The following PIGK variants were observed in gnomAD, a reference collection of about 807,000 sequenced individuals.
PIGK encodes phosphatidylinositol glycan anchor biosynthesis class K.
PIGK carries 42 observed loss-of-function variants against 50.6 expected under a neutral mutation model. The observed-to-expected ratio is 0.83, with a 90% CI of 0.65 to 1.07. The LOEUF (loss-of-function observed/expected upper bound fraction) is 1.07. Ranked by LOEUF, PIGK falls within the 50% of genes least tolerant of loss-of-function variation. The pLI is 0.00. For missense variants in PIGK, 448 were observed against 488.7 expected, an observed-to-expected ratio of 0.92 and a Z score of 0.78; for synonymous variants, 151 against 156.0, an observed-to-expected ratio of 0.97 and a Z score of 0.24.
chr1:77,151,741 G>A (rs891037647), intron 9 of PIGK, among the ~76,000 whole-genome samples: 7 of 151,934 alleles, frequency 4.6e-5, no homozygotes, highest in Non-Finnish European at 1.0e-4. Flanking sequence ...AATCTCACTT[G>A]CAATACCTAC....
At chr1:77,156,920 A>C (rs1655021550) in intron 8 of PIGK, among the ~76,000 whole-genome samples, 1 of 152,200 alleles carries the variant, frequency 6.6e-6, no homozygotes, top group Admixed American at 6.5e-5. Flanking sequence ...GCCTTGAGGA[A>C]ACATCACAAA....
intron 3 of PIGK, among the ~76,000 whole-genome samples, chr1:77,188,357 C>G (rs185592931): frequency 6.6e-6 from 1 of 152,058 alleles, no homozygotes; most frequent in African/African-American, 2.4e-5. Flanking sequence ...TCTCTTATGT[C>G]GAAACTGCAG....
chr1:77,113,910 G>A (rs2100521599), intron 10 of PIGK, among the ~76,000 whole-genome samples: 1 of 152,114 alleles, frequency 6.6e-6, no homozygotes, highest in East Asian at 1.9e-4. Flanking sequence ...ATCTCTACAT[G>A]TCTTAAACCC....
chr1:77,166,931 T>A (rs1170579999), intron 4 of PIGK, 101 bp from the exon 5 acceptor site: 1 of 667,034 alleles, frequency 1.5e-6, no homozygotes, highest in Non-Finnish European at 2.6e-6. Flanking sequence ...TTTCTCCATA[T>A]ATTACTCAGC....
intron 10 of PIGK, among the ~76,000 whole-genome samples, chr1:77,100,079 A>G (rs368878712): frequency 1.2e-4 from 18 of 152,348 alleles, no homozygotes; most frequent in African/African-American, 4.3e-4. Context: ...ACATTACCAC[A>G]TAACTTTAAA....
intron 1 of PIGK, among the ~76,000 whole-genome samples, chr1:77,218,089 G>T (rs979367199): frequency 6.6e-6 from 1 of 151,982 alleles, no homozygotes; most frequent in African/African-American, 2.4e-5. Flanking sequence ...AACTGATAGG[G>T]TGTGTATTCA....
intron 1 of PIGK, among the ~76,000 whole-genome samples, 190 bp from the exon 2 acceptor site, chr1:77,210,679 T>A (rs548444877): frequency 3.3e-5 from 5 of 152,078 alleles, no homozygotes; most frequent in Non-Finnish European, 7.4e-5. Flanking sequence ...TAAGACACTA[T>A]AAGGACAAAA....
chr1:77,201,142 T>C (rs1656155826), intron 3 of PIGK, among the ~76,000 whole-genome samples: 1 of 152,140 alleles, frequency 6.6e-6, no homozygotes, highest in Non-Finnish European at 1.5e-5. Context: ...AGCTATATGA[T>C]CAACATGATT....
At chr1:77,097,732 A>G (rs182927650) in intron 10 of PIGK, among the ~76,000 whole-genome samples, 1 of 152,314 alleles carries the variant, frequency 6.6e-6, no homozygotes, top group Admixed American at 6.5e-5. Context: ...ATTATTAGAT[A>G]TCAAAAAGCT....
At chr1:77,191,371 C>A (rs1655899660) in intron 3 of PIGK, among the ~76,000 whole-genome samples, 1 of 152,138 alleles carries the variant, frequency 6.6e-6, no homozygotes, top group South Asian at 2.1e-4. Context: ...TGTTATTTTT[C>A]CAATAATGAT....
intron 3 of PIGK, among the ~76,000 whole-genome samples, chr1:77,205,745 C>T (rs924887761): frequency 1.3e-5 from 2 of 152,120 alleles, no homozygotes; most frequent in Non-Finnish European, 2.9e-5. Context: ...GAATTGACTA[C>T]AGTTTCTTGC....
intron 9 of PIGK, among the ~76,000 whole-genome samples, chr1:77,143,031 T>C (rs1166478711): frequency 1.3e-5 from 2 of 152,178 alleles, no homozygotes; most frequent in African/African-American, 4.8e-5. Flanking sequence ...CAACAAAAAT[T>C]GACATTTCTG....
chr1:77,116,599 CGTGT>C (rs751803515), intron 10 of PIGK, among the ~76,000 whole-genome samples: 3 of 95,552 alleles, frequency 3.1e-5, no homozygotes, highest in Non-Finnish European at 5.9e-5. Context: ...TGTGTGTGCG[CGTGT>C]GTGTGTGTGT....
At chr1:77,112,109 G>T (rs1653861328) in intron 10 of PIGK, among the ~76,000 whole-genome samples, 1 of 151,968 alleles carries the variant, frequency 6.6e-6, no homozygotes, top group African/African-American at 2.4e-5. Flanking sequence ...CACCAAACAT[G>T]ACTGGTATGA....
At chr1:77,133,745 C>T (rs1247437658) in intron 9 of PIGK, among the ~76,000 whole-genome samples, 1 of 152,184 alleles carries the variant, frequency 6.6e-6, no homozygotes, top group African/African-American at 2.4e-5. Flanking sequence ...TGGCCCTATT[C>T]TAATGGTGAG....
chr1:77,165,419 T>G (rs935882623), intron 5 of PIGK, among the ~76,000 whole-genome samples: 1 of 151,944 alleles, frequency 6.6e-6, no homozygotes, highest in Admixed American at 6.6e-5. Flanking sequence ...TATAAATAAA[T>G]GCAACACGAT....
chr1:77,096,554 G>C (rs534185705), intron 10 of PIGK, among the ~76,000 whole-genome samples: 1 of 152,076 alleles, frequency 6.6e-6, no homozygotes, highest in Non-Finnish European at 1.5e-5. Flanking sequence ...CAGAAGAGCC[G>C]AGCTTCCCTC....
At chr1:77,181,521 C>T (rs1000696356) in intron 3 of PIGK, among the ~76,000 whole-genome samples, 5 of 152,106 alleles carry the variant, frequency 3.3e-5, no homozygotes, top group African/African-American at 9.7e-5. Flanking sequence ...ATAATGTTTT[C>T]CACAGCCATG....
intron 9 of PIGK, among the ~76,000 whole-genome samples, chr1:77,148,155 GT>G (rs1197316316): frequency 6.6e-6 from 1 of 152,060 alleles, no homozygotes; most frequent in Non-Finnish European, 1.5e-5. Context: ...TAATAAAATA[GT>G]TTTTTATGAT....
Sources: allele counts gnomAD v4.1 joint callset (sites outside exome capture counted in the v4.1 genomes callset), GRCh38; gene constraint gnomAD v4.1.1; transcripts MANE v1.5; gene names NCBI Gene and HGNC (gene_info 2026-07-23, HGNC 2026-07-21).